The following GALNT17 variants were observed in gnomAD, a reference collection of about 807,000 sequenced individuals.
GALNT17 encodes polypeptide N-acetylgalactosaminyltransferase 17.
Under a neutral mutation model 63.7 loss-of-function variants are expected in GALNT17, and 29 were observed. The ratio of observed to expected loss-of-function variants is 0.46; its 90% CI spans 0.34 to 0.62. The LOEUF (loss-of-function observed/expected upper bound fraction) is 0.62. GALNT17 is among the 20% of genes least tolerant of loss of function. GALNT17 has a pLI of 0.01. For missense variants in GALNT17, 603 were observed against 799.6 expected, an observed-to-expected ratio of 0.75 and a Z score of 2.97; for synonymous variants, 305 against 318.3, an observed-to-expected ratio of 0.96 and a Z score of 0.45.
At chr7:71,627,087 TG>T (rs1790385755) in intron 6 of GALNT17, among the ~76,000 whole-genome samples, 1 of 152,230 alleles carries the variant, frequency 6.6e-6, no homozygotes, top group African/African-American at 2.4e-5. Flanking sequence ...TTTCATGGGT[TG>T]TCATAGGTCT....
At chr7:71,658,872 AG>A (rs1372349326) in intron 6 of GALNT17, among the ~76,000 whole-genome samples, 3 of 150,200 alleles carry the variant, frequency 2.0e-5, no homozygotes, top group African/African-American at 4.9e-5. Context: ...TGGGTGACAG[AG>A]CAAGACTCTG....
At chr7:71,683,552 G>A (rs1196703697) in intron 9 of GALNT17, among the ~76,000 whole-genome samples, 1 of 152,116 alleles carries the variant, frequency 6.6e-6, no homozygotes, top group African/African-American at 2.4e-5. Flanking sequence ...CACTGAGGAG[G>A]GTAATTTCCT....
chr7:71,664,566 G>A (rs1040455081), intron 6 of GALNT17, among the ~76,000 whole-genome samples: 7 of 152,214 alleles, frequency 4.6e-5, no homozygotes, highest in East Asian at 1.9e-4. Context: ...AGCTGTGATC[G>A]CACCACTGCA....
intron 9 of GALNT17, among the ~76,000 whole-genome samples, chr7:71,705,915 C>A (rs140443691): frequency 1.3e-5 from 2 of 152,126 alleles, no homozygotes; most frequent in Non-Finnish European, 2.9e-5. Context: ...GAAGAAGAGA[C>A]GCTCAAGGAA....
At chr7:71,545,768 T>C (rs992749775) in intron 5 of GALNT17, among the ~76,000 whole-genome samples, 1 of 152,208 alleles carries the variant, frequency 6.6e-6, no homozygotes, top group African/African-American at 2.4e-5. Flanking sequence ...TTACAGTGGA[T>C]TGTTTCCTCA....
At chr7:71,514,325 G>A (rs1193297229) in intron 5 of GALNT17, among the ~76,000 whole-genome samples, 1 of 152,134 alleles carries the variant, frequency 6.6e-6, no homozygotes, top group Non-Finnish European at 1.5e-5. Context: ...GACCCAAAGA[G>A]GTAGACGCTA....
chr7:71,517,224 G>T (rs1006827507), intron 5 of GALNT17, among the ~76,000 whole-genome samples: 2 of 152,190 alleles, frequency 1.3e-5, no homozygotes, highest in African/African-American at 4.8e-5. Flanking sequence ...TTCTTGGTTT[G>T]CAGCAGCATA....
chr7:71,229,912 A>G (rs555010919), intron 1 of GALNT17, among the ~76,000 whole-genome samples: 2 of 152,332 alleles, frequency 1.3e-5, no homozygotes, highest in African/African-American at 4.8e-5. Context: ...GTGTCTGTGG[A>G]CTGAGCCAGA....
chr7:71,179,319 C>T (rs925037476), intron 1 of GALNT17, among the ~76,000 whole-genome samples: 15 of 152,160 alleles, frequency 9.9e-5, no homozygotes, highest in South Asian at 4.1e-4. Flanking sequence ...CCTGCCTTTC[C>T]GGACTGAACC....
intron 1 of GALNT17, among the ~76,000 whole-genome samples, chr7:71,156,400 G>A (rs1217791346): frequency 1.3e-5 from 2 of 151,742 alleles, no homozygotes; most frequent in Non-Finnish European, 2.9e-5. Flanking sequence ...GGTGGGATGT[G>A]ACTTGGGAAT....
At position 71,276,727 on chromosome 7, in the gene GALNT17, G is replaced by A. The variant is rs554935498; in HGVS notation, c.239-58823G>A. ...TAAATTACCCAGTCGGCCGGGTATGGTTGCTCACACCTGTAATCCCAGCAC... is the reference window on the plus strand; with the variant it reads ...TAAATTACCCAGTCGGCCGGGTATGATTGCTCACACCTGTAATCCCAGCAC... On this transcript the variant is annotated intron_variant, in intron 1 of 10. Coordinates refer to ENST00000333538, the MANE Select transcript of GALNT17 (RefSeq NM_022479.3). Among the ~76,000 whole-genome samples the A allele has an allele frequency of 3.9e-5, 6 of 152,264 alleles. No individual in the cohort carries two copies. The South Asian group carries it at 1.0e-3, about 26-fold the overall frequency.
chr7:71,490,632 G>A (rs1303868571), intron 5 of GALNT17, among the ~76,000 whole-genome samples: 1 of 151,940 alleles, frequency 6.6e-6, no homozygotes, highest in East Asian at 1.9e-4. Flanking sequence ...AGGCAAGGTG[G>A]CATGTGCCTA....
At chr7:71,173,116 C>T (rs899047277) in intron 1 of GALNT17, among the ~76,000 whole-genome samples, 1 of 152,156 alleles carries the variant, frequency 6.6e-6, no homozygotes, top group Non-Finnish European at 1.5e-5. Context: ...AGCTGCTGGA[C>T]GCTGGCCCTG....
chr7:71,493,291 G>C (rs1788039847), intron 5 of GALNT17, among the ~76,000 whole-genome samples: 1 of 152,144 alleles, frequency 6.6e-6, no homozygotes, highest in Non-Finnish European at 1.5e-5. Flanking sequence ...CCAGTTATCT[G>C]GATGTTCTTG....
intron 5 of GALNT17, among the ~76,000 whole-genome samples, chr7:71,534,004 C>CGGTA (rs1788761572): frequency 6.6e-6 from 1 of 152,064 alleles, no homozygotes; most frequent in African/African-American, 2.4e-5. Context: ...TGTCCAGATG[C>CGGTA]GGTAATCTGG....
chr7:71,390,104 C>T (rs1478123540), intron 3 of GALNT17, among the ~76,000 whole-genome samples: 3 of 152,172 alleles, frequency 2.0e-5, no homozygotes, highest in Admixed American at 6.5e-5. Flanking sequence ...GAGTGAGTGC[C>T]TGAAGGCCAA....
chr7:71,652,150 G>C (rs1790763017), intron 6 of GALNT17, among the ~76,000 whole-genome samples: 1 of 151,996 alleles, frequency 6.6e-6, no homozygotes, highest in African/African-American at 2.4e-5. Context: ...TGCATTTCTT[G>C]ACTTCTCTGA....
intron 1 of GALNT17, among the ~76,000 whole-genome samples, chr7:71,321,893 TCC>T: frequency 1.2e-5 from 1 of 85,910 alleles, no homozygotes; most frequent in Non-Finnish European, 2.3e-5. Flanking sequence ...CTTCCTTCCT[TCC>T]TTCCTTCCTT....
rs79557453 is a variant in GALNT17 at position 71,226,187 on chromosome 7, C to A, written c.238+93147C>A. ...TGACACCAGGGTCCTTCTTTAGGAA[C>A]TTCAATTTTGGAACAATGAATGAAG... On this transcript the variant is annotated intron_variant, in intron 1 of 10. Coordinates refer to ENST00000333538, the MANE Select transcript of GALNT17 (RefSeq NM_022479.3). 1.8e-3 allele frequency among the ~76,000 whole-genome samples: 269 copies of A among 152,286 alleles called. 9 individuals are homozygous for A. The East Asian group carries it at 0.049, about 28-fold the overall frequency.
Sources: gnomAD v4.1 joint callset for allele counts (sites outside exome capture counted in the v4.1 genomes callset) on GRCh38, gnomAD v4.1.1 for gene constraint, MANE v1.5 for transcripts, NCBI Gene and HGNC (gene_info 2026-07-23, HGNC 2026-07-21) for gene names.